NEK6: variants seen among roughly 807,000 people sequenced by gnomAD.
NEK6 encodes NIMA related kinase 6, also known as serine/threonine-protein kinase Nek6.
A neutral mutation model predicts 43.5 loss-of-function variants in NEK6; 27 were observed. That is an observed-to-expected ratio of 0.62 (90% CI 0.46 to 0.86). The LOEUF (loss-of-function observed/expected upper bound fraction) is 0.86, where lower values mean the gene tolerates loss of function less well. NEK6 is among the 40% of genes least tolerant of loss of function. NEK6 has a pLI of 0.00. For synonymous variants in NEK6, 167 were observed against 164.1 expected (o/e 1.02, Z -0.14); for missense variants, 318 against 414.4 (o/e 0.77, Z 2.02).
intron 7 of NEK6, among the ~76,000 whole-genome samples, chr9:124,328,069 G>C (rs1453810085): frequency 6.6e-6 from 1 of 152,212 alleles, no homozygotes; most frequent in African/African-American, 2.4e-5. Context: ...AGCTCAGTGG[G>C]CTGGACACCA....
chr9:124,297,746 A>C (rs531715318), intron 1 of NEK6, among the ~76,000 whole-genome samples: 1 of 152,202 alleles, frequency 6.6e-6, no homozygotes, highest in Non-Finnish European at 1.5e-5. Context: ...GCAACTTGGC[A>C]GGAGCCGCGG....
intron 8 of NEK6, 80 bp from the exon 9 acceptor site, chr9:124,347,629 A>T: frequency 1.1e-6 from 1 of 885,006 alleles, no homozygotes; most frequent in Non-Finnish European, 1.7e-6. Context: ...TGCCCCAACA[A>T]TCTGGAGCAG....
chr9:124,336,119 T>A (rs1829276807), intron 7 of NEK6, among the ~76,000 whole-genome samples: 1 of 152,058 alleles, frequency 6.6e-6, no homozygotes, highest in African/African-American at 2.4e-5. Flanking sequence ...GCACCTGTGG[T>A]CCCAGCTACT....
At chr9:124,317,414 T>C (rs965313551) in intron 4 of NEK6, among the ~76,000 whole-genome samples, 10 of 152,226 alleles carry the variant, frequency 6.6e-5, no homozygotes, top group Non-Finnish European at 1.3e-4. Flanking sequence ...GGTTTCACCA[T>C]GTTGGCCAGG....
At position 124,326,393 on chromosome 9, in the gene NEK6, T is replaced by A; in HGVS notation, c.469T>A (p.Cys157Ser). Residue 157 changes from cysteine (C) to serine (S), a missense_variant, in exon 6 of 10, where the codon TGC (cysteine) becomes AGC (serine). By Grantham distance (112) the Cys-to-Ser change is moderately radical. Transcript: ENST00000320246. The surrounding 1 kb of genome is among the most constrained non-coding windows in gnomAD (Gnocchi z 4.5). ...AGTATGGAAGTACTTTGTGCAGCTGTGCAGCGCCGTGGAGCACATGCATTC... is the reference window on the plus strand; with the variant it reads ...AGTATGGAAGTACTTTGTGCAGCTGAGCAGCGCCGTGGAGCACATGCATTC... ...RTVWKYFVQL[C>S]SAVEHMHSRR... is the part of the protein sequence containing the mutation. The A allele has an allele frequency of 6.2e-7, 1 of 1,611,158 alleles. No individual in the cohort carries two copies.
chr9:124,259,358 T>C (rs544717472), intron 1 of NEK6: 2 of 152,126 alleles, frequency 1.3e-5, no homozygotes, highest in South Asian at 2.1e-4. Flanking sequence ...AAAAACCCTG[T>C]CGTTAATGGA....
chr9:124,323,964 C>T (rs1834198056), intron 5 of NEK6, among the ~76,000 whole-genome samples: 1 of 152,154 alleles, frequency 6.6e-6, no homozygotes, highest in Non-Finnish European at 1.5e-5. Context: ...TGAGCAGCCA[C>T]CTGGCCCCCC....
chr9:124,280,712 G>T (rs1212018834), intron 1 of NEK6, among the ~76,000 whole-genome samples: 1 of 152,220 alleles, frequency 6.6e-6, no homozygotes, highest in African/African-American at 2.4e-5. Flanking sequence ...TTTATGAGGG[G>T]ACCCTGCAGA....
intron 1 of NEK6, among the ~76,000 whole-genome samples, chr9:124,285,280 G>A (rs773565892): frequency 3.3e-5 from 5 of 152,138 alleles, no homozygotes; most frequent in African/African-American, 7.2e-5. Flanking sequence ...TGCTTGTCGC[G>A]TTGGTAGCAC....
chr9:124,340,021 C>T (rs994581417), intron 8 of NEK6, among the ~76,000 whole-genome samples: 1 of 152,188 alleles, frequency 6.6e-6, no homozygotes, highest in Non-Finnish European at 1.5e-5. Context: ...ATGGGTCAGG[C>T]CCGGTGCAGG....
At chr9:124,293,493 T>C (rs1322345814) in intron 1 of NEK6, among the ~76,000 whole-genome samples, 2 of 152,260 alleles carry the variant, frequency 1.3e-5, no homozygotes, top group Non-Finnish European at 2.9e-5. Context: ...CTGCATTTTT[T>C]TTCTTCCAGA....
At chr9:124,309,256 T>C (rs1243400750) in intron 2 of NEK6, among the ~76,000 whole-genome samples, 1 of 152,204 alleles carries the variant, frequency 6.6e-6, no homozygotes, top group Non-Finnish European at 1.5e-5. Context: ...TCGGATGGAC[T>C]GTGACAAGAA....
chr9:124,310,423 G>A (rs1252564536), intron 2 of NEK6, among the ~76,000 whole-genome samples: 1 of 152,334 alleles, frequency 6.6e-6, no homozygotes, highest in Non-Finnish European at 1.5e-5. Flanking sequence ...TCCTCCTCCA[G>A]CAGCCCTCCA....
chr9:124,288,754 G>A (rs1279209436), intron 1 of NEK6, among the ~76,000 whole-genome samples: 1 of 152,120 alleles, frequency 6.6e-6, no homozygotes, highest in Non-Finnish European at 1.5e-5. Context: ...ATGACCCTGG[G>A]ACTGGCCCAG....
At chr9:124,284,690 C>T (rs185230540) in intron 1 of NEK6, among the ~76,000 whole-genome samples, 1 of 152,324 alleles carries the variant, frequency 6.6e-6, no homozygotes, top group Admixed American at 6.5e-5. Flanking sequence ...TCTCCGGACG[C>T]CTGTGGAGGG....
chr9:124,270,713 C>T (rs765000682), intron 1 of NEK6, among the ~76,000 whole-genome samples: 2 of 152,206 alleles, frequency 1.3e-5, no homozygotes, highest in Non-Finnish European at 2.9e-5. Context: ...CTGCAGGTAA[C>T]GGGTGGCAGA....
intron 5 of NEK6, among the ~76,000 whole-genome samples, chr9:124,323,700 A>C (rs563837350): frequency 6.6e-6 from 1 of 151,732 alleles, no homozygotes; most frequent in Non-Finnish European, 1.5e-5. Flanking sequence ...CTCAGTTTCC[A>C]CCCTGTCCCC....
intron 1 of NEK6, among the ~76,000 whole-genome samples, chr9:124,287,854 G>A (rs913182432): frequency 3.9e-5 from 6 of 152,128 alleles, no homozygotes; most frequent in African/African-American, 1.4e-4. Context: ...CAGAAGAAAT[G>A]TGTCATTTCA....
chr9:124,349,488 G>C (rs1315811098), intron 9 of NEK6, among the ~76,000 whole-genome samples: 2 of 152,152 alleles, frequency 1.3e-5, no homozygotes, highest in African/African-American at 4.8e-5. Context: ...CCACTCCCCG[G>C]AGCACTGGCT....
Sources: gnomAD v4.1 joint callset for allele counts (sites outside exome capture counted in the v4.1 genomes callset) on GRCh38, gnomAD v4.1.1 for gene constraint, Gnocchi (gnomAD v3.1) non-coding constraint, MANE v1.5 for transcripts, NCBI Gene and HGNC (gene_info 2026-07-23, HGNC 2026-07-21) for gene names.